Variants in SYT16 observed in about 807,000 individuals in gnomAD.
SYT16 encodes synaptotagmin 16.
SYT16 carries 42 observed loss-of-function variants against 61.4 expected under a neutral mutation model. That is an observed-to-expected ratio of 0.68 (90% CI 0.53 to 0.89). The LOEUF (loss-of-function observed/expected upper bound fraction) is 0.89, where lower values mean the gene tolerates loss of function less well. SYT16 is among the 40% of genes least tolerant of loss of function. The pLI is 0.00. For missense variants in SYT16, 804 were observed against 807.3 expected (o/e 1.00, Z 0.05); for synonymous variants, 314 against 302.3 (o/e 1.04, Z -0.40).
intron 2 of SYT16, among the ~76,000 whole-genome samples, chr14:61,987,242 AAGG>A (rs1203002029): frequency 6.6e-6 from 1 of 152,128 alleles, no homozygotes; most frequent in East Asian, 1.9e-4. Flanking sequence ...GAGCAACTAA[AAGG>A]AGGAGGTGAG....
At chr14:62,019,696 T>G (rs1214274403) in intron 3 of SYT16, among the ~76,000 whole-genome samples, 1 of 152,190 alleles carries the variant, frequency 6.6e-6, no homozygotes, top group Non-Finnish European at 1.5e-5. Context: ...ACACAGTGAG[T>G]CCTCTTTTGC....
chr14:61,864,936 G>T lies in SYT16; in HGVS notation c.-325+52126G>T, dbSNP rs931054609. ...CGTGTCTTAACCGGGGTCCTGGGCTGCCTGCAGGCCTTGAAAGTGCTGAAA... is the reference window on the plus strand; with the variant it reads ...CGTGTCTTAACCGGGGTCCTGGGCTTCCTGCAGGCCTTGAAAGTGCTGAAA... On this transcript the variant is annotated intron_variant, in intron 1 of 7. Coordinates refer to ENST00000683842, the MANE Select transcript of SYT16 (RefSeq NM_001367656.1). The T allele has an allele frequency of 7.0e-6, 9 of 1,291,904 alleles. No homozygotes were observed. The African/African-American group carries it at 1.3e-4, about 19-fold the overall frequency. The allele number at this position is 1,291,904 out of a possible 1,614,324, so 80.0% of individuals were successfully genotyped here. A position where few individuals can be genotyped will look rare whatever the true frequency, so the allele number is the denominator to read the frequency against.
intron 1 of SYT16, among the ~76,000 whole-genome samples, chr14:61,859,735 C>T (rs2046908898): frequency 6.6e-6 from 1 of 152,028 alleles, no homozygotes; most frequent in African/African-American, 2.4e-5. Flanking sequence ...AGCTCAAGTG[C>T]TCACAGGAAG....
intron 1 of SYT16, among the ~76,000 whole-genome samples, chr14:61,818,418 G>A (rs527866597): frequency 3.3e-5 from 5 of 152,248 alleles, no homozygotes; most frequent in South Asian, 2.1e-4. Context: ...GGTGGCTCAC[G>A]CCTGTAATCC....
chr14:62,084,264 G>C lies in SYT16; in HGVS notation c.1503G>C (p.Leu501=), dbSNP rs1391816926. 6.2e-7 allele frequency: 1 copy of C among 1,613,964 alleles called. No individual in the cohort carries two copies. The highest frequency in any genetic ancestry group is 8.5e-7 in the Non-Finnish European group (1 of 1,179,886). ...HSDSTSSTQS[L]SHGGAPELLV... is the part of the protein sequence containing the mutation. ...ATAGTACTTCATCCACGCAGTCGCT[G>C]TCTCATGGAGGGGCGCCAGAGCTGT... The change falls in exon 7 of 8, where the codon CTG becomes CTC. Residue 501 remains leucine, a synonymous_variant. Coordinates refer to ENST00000683842, the MANE Select transcript of SYT16 (RefSeq NM_001367656.1).
At chr14:61,938,148 A>G (rs2050063803) in intron 1 of SYT16, among the ~76,000 whole-genome samples, 1 of 152,018 alleles carries the variant, frequency 6.6e-6, no homozygotes, top group South Asian at 2.1e-4. Context: ...AGGATAAAGA[A>G]CTTTTTAAGA....
At chr14:61,848,809 GAC>G (rs2046522856) in intron 1 of SYT16, among the ~76,000 whole-genome samples, 1 of 152,100 alleles carries the variant, frequency 6.6e-6, no homozygotes, top group Non-Finnish European at 1.5e-5. Flanking sequence ...ACCCTTTTGT[GAC>G]AGAGCTGGTA....
rs2057605474 is a variant in SYT16 at position 62,111,363 on chromosome 14, GTGCTTTA to G, written c.*10658_*10664del. The G allele has an allele frequency of 1.3e-5, 2 of 152,062 alleles. No homozygotes were observed. The highest frequency in any genetic ancestry group is 4.8e-5 in the African/African-American group (2 of 41,440). The allele number at this position is 152,062 out of a possible 1,614,324, so 9.4% of individuals were successfully genotyped here. On this transcript the variant is annotated 3_prime_UTR_variant, in exon 8 of 8. Transcript: ENST00000683842. ...GAGTACACTGTTCTTAGCAGGGAAT[GTGCTTTA>G]TATTACTATTCTACTCACAGCTGGA...
intron 4 of SYT16, among the ~76,000 whole-genome samples, chr14:62,071,228 TG>T (rs1455417291): frequency 6.6e-6 from 1 of 152,212 alleles, no homozygotes; most frequent in Non-Finnish European, 1.5e-5. Context: ...TTCTCTCCAT[TG>T]AGAGGGCAAA....
chr14:61,955,035 A>T (rs2050818524), intron 1 of SYT16, among the ~76,000 whole-genome samples: 1 of 152,124 alleles, frequency 6.6e-6, no homozygotes, highest in African/African-American at 2.4e-5. Context: ...TTCAAGGTTC[A>T]CCCATAATGT....
At chr14:61,939,810 C>T (rs2050138394) in intron 1 of SYT16, among the ~76,000 whole-genome samples, 1 of 152,176 alleles carries the variant, frequency 6.6e-6, no homozygotes, top group Non-Finnish European at 1.5e-5. Context: ...AGAGGCCAAG[C>T]ACCTCCCCTG....
At chr14:62,092,685 A>G (rs2057128472) in intron 7 of SYT16, among the ~76,000 whole-genome samples, 1 of 152,032 alleles carries the variant, frequency 6.6e-6, no homozygotes, top group Non-Finnish European at 1.5e-5. Context: ...AGAAAAAAAA[A>G]TCATAAAAGC....
At chr14:62,046,366 T>G (rs998759109) in intron 3 of SYT16, among the ~76,000 whole-genome samples, 1 of 152,110 alleles carries the variant, frequency 6.6e-6, no homozygotes, top group Non-Finnish European at 1.5e-5. Flanking sequence ...CTTTGTCACA[T>G]GAGTAGGTTG....
In SYT16 at chr14:62,039,665, CAG is replaced by C. The variant is rs557618604; in HGVS notation, c.524-29935_524-29934del. ...GCATTTATTGCAGGAATTCAGCAGA[CAG>C]AGCAATATAAAGTTCTTTGGCCAAG... On this transcript the variant is annotated intron_variant, in intron 3 of 7. Transcript: ENST00000683842. Among the ~76,000 whole-genome samples, 138 of 152,150 alleles carry C rather than the reference CAG, an allele frequency of 9.1e-4. No homozygotes were observed. The Middle Eastern group carries it at 0.031, about 34-fold the overall frequency.
intron 1 of SYT16, among the ~76,000 whole-genome samples, chr14:61,868,008 T>G (rs1018717069): frequency 1.8e-4 from 27 of 152,058 alleles, no homozygotes; most frequent in Non-Finnish European, 2.9e-4. Flanking sequence ...TGGGATAAAC[T>G]CCACTTGTTC....
At chr14:61,931,081 C>T (rs1427412257) in intron 1 of SYT16, among the ~76,000 whole-genome samples, 8 of 152,220 alleles carry the variant, frequency 5.3e-5, no homozygotes, top group Admixed American at 5.2e-4. Flanking sequence ...CTTCCTACCT[C>T]TGGAGTGCCC....
chr14:62,032,511 AC>A (rs2054345467), intron 3 of SYT16, among the ~76,000 whole-genome samples: 1 of 152,110 alleles, frequency 6.6e-6, no homozygotes, highest in African/African-American at 2.4e-5. Context: ...TACCTAATAC[AC>A]AGAAAATTCT....
At chr14:62,063,233 G>A (rs1304971533) in intron 3 of SYT16, among the ~76,000 whole-genome samples, 1 of 152,166 alleles carries the variant, frequency 6.6e-6, no homozygotes, top group Admixed American at 6.5e-5. Flanking sequence ...CTAATGGTGA[G>A]TTCTCAAAGT....
At chr14:61,924,669 A>G (rs1486443476) in intron 1 of SYT16, among the ~76,000 whole-genome samples, 1 of 152,112 alleles carries the variant, frequency 6.6e-6, no homozygotes, top group African/African-American at 2.4e-5. Context: ...CTTTCCCTGT[A>G]TGAAACCCTC....
Sources: allele counts gnomAD v4.1 joint callset (sites outside exome capture counted in the v4.1 genomes callset), GRCh38; gene constraint gnomAD v4.1.1; transcripts MANE v1.5; gene names NCBI Gene and HGNC (gene_info 2026-07-23, HGNC 2026-07-21).